TPTE: variants seen among roughly 807,000 people sequenced by gnomAD.
TPTE encodes putative tyrosine-protein phosphatase TPTE.
Under a neutral mutation model 84.1 loss-of-function variants are expected in TPTE, and 59 were observed. The ratio of observed to expected loss-of-function variants is 0.70; its 90% CI spans 0.57 to 0.87. The LOEUF (loss-of-function observed/expected upper bound fraction) is 0.87. Ranked by LOEUF, TPTE falls within the 40% of genes least tolerant of loss-of-function variation. The pLI, the probability that TPTE is intolerant of heterozygous loss-of-function variation, is 0.00. For synonymous variants in TPTE, 130 were observed against 223.5 expected, an observed-to-expected ratio of 0.58 and a Z score of 3.73; for missense variants, 382 against 659.6, an observed-to-expected ratio of 0.58 and a Z score of 4.61.
intron 3 of TPTE, among the ~76,000 whole-genome samples, chr21:10,531,856 G>A (rs364260): frequency 0.21 from 28,867 of 138,256 alleles, 316 homozygotes; most frequent in African/African-American, 0.48. Flanking sequence ...GGTGTTAGGT[G>A]GGGATTTGGT....
At chr21:10,557,332 CT>C (rs1051069178) in intron 8 of TPTE, among the ~76,000 whole-genome samples, 2 of 152,294 alleles carry the variant, frequency 1.3e-5, no homozygotes, top group African/African-American at 4.8e-5. Flanking sequence ...ACATAGTACT[CT>C]TTTTTTAAGC....
chr21:10,605,653 T>A lies in TPTE; in HGVS notation c.*101T>A. 1 of 1,552,330 alleles carries A rather than the reference T, an allele frequency of 6.4e-7. No homozygotes were observed. The highest frequency in any genetic ancestry group is 1.2e-5 in the South Asian group (1 of 81,542). On this transcript the variant is annotated 3_prime_UTR_variant, in exon 24 of 24. Coordinates refer to ENST00000618007, the MANE Select transcript of TPTE (RefSeq NM_199261.4). ...CTATCCTAAATGTTCCTTGAAGTAT[T>A]TATTTATGTTTATATATGTTTATAT... is the stretch of plus-strand genomic sequence containing the variant.
At position 10,530,050 on chromosome 21, in the gene TPTE, C is replaced by T. The variant is rs545175890; in HGVS notation, c.-44+2638C>T. The stretch of plus-strand genomic sequence containing the variant: ...TACATTATTTCAATGAATTACAATC[C>T]TTTCTGTCATTATTTATTTTGATCT... On this transcript the variant is annotated intron_variant, in intron 3 of 23. Transcript: ENST00000618007. Among the ~76,000 whole-genome samples, 5 of 152,410 alleles carry T rather than the reference C, an allele frequency of 3.3e-5. No homozygotes were observed. In the South Asian group the frequency reaches 6.2e-4, roughly 19 times the overall value.
intron 7 of TPTE, among the ~76,000 whole-genome samples, chr21:10,549,366 G>GA (rs1247950241): frequency 6.6e-6 from 1 of 152,304 alleles, no homozygotes; most frequent in Non-Finnish European, 1.5e-5. Flanking sequence ...TCCAGTAATA[G>GA]AACCTAATCA....
At chr21:10,535,419 A>T (rs1391424668) in intron 3 of TPTE, among the ~76,000 whole-genome samples, 2 of 152,308 alleles carry the variant, frequency 1.3e-5, no homozygotes, top group Non-Finnish European at 2.9e-5. Flanking sequence ...ACTGTCAGGC[A>T]TATCCTTGGA....
rs1488553221 is a variant in TPTE, at chr21:10,595,964, A to G, written c.1171-18A>G. On this transcript the variant is annotated intron_variant, in intron 19 of 23. Coordinates refer to ENST00000618007, the MANE Select transcript of TPTE (RefSeq NM_199261.4). Reference sequence around the variant, plus strand: ...ACTTTTCATCTCCACTTAAAGGAAGATTTCTGTTGCTTTTCAGAAGAGATA... The same window carrying G: ...ACTTTTCATCTCCACTTAAAGGAAGGTTTCTGTTGCTTTTCAGAAGAGATA... 3.1e-6 allele frequency: 5 copies of G among 1,613,588 alleles called. No individual in the cohort carries two copies. The Admixed American group carries it at 6.7e-5, about 22-fold the overall frequency.
At chr21:10,561,468 G>T (rs2074802513) in intron 10 of TPTE, among the ~76,000 whole-genome samples, 1 of 152,198 alleles carries the variant, frequency 6.6e-6, no homozygotes, top group Non-Finnish European at 1.5e-5. Context: ...CTCTAGCCTG[G>T]GTGACAGGGT....
intron 3 of TPTE, among the ~76,000 whole-genome samples, chr21:10,530,142 C>T (rs1268677944): frequency 2.6e-5 from 4 of 152,306 alleles, no homozygotes; most frequent in Admixed American, 2.6e-4. Context: ...TTTGACTTGA[C>T]ATGTTCCCAT....
chr21:10,546,974 A>G (rs1314747378), intron 7 of TPTE, among the ~76,000 whole-genome samples: 245 of 152,338 alleles, frequency 1.6e-3, no homozygotes, highest in Non-Finnish European at 2.7e-3. Flanking sequence ...CACATTTTCA[A>G]TGTAGACAAG....
At chr21:10,570,442 A>C (rs1452123455) in intron 13 of TPTE, 43 bp from the exon 14 acceptor site, 1 of 1,613,438 alleles carries the variant, frequency 6.2e-7, no homozygotes, top group Admixed American at 1.7e-5. Context: ...TGTTGTATGA[A>C]ATCTATAATA....
chr21:10,529,737 A>G (rs910665994), intron 3 of TPTE, among the ~76,000 whole-genome samples: 7 of 152,310 alleles, frequency 4.6e-5, no homozygotes, highest in African/African-American at 1.2e-4. Flanking sequence ...TTCGCTGACA[A>G]GTAAATATTA....
chr21:10,541,662 AACTG>A (rs1305216282), intron 5 of TPTE, among the ~76,000 whole-genome samples: 3 of 152,308 alleles, frequency 2.0e-5, no homozygotes, highest in African/African-American at 2.4e-5. Flanking sequence ...GAAAAAAAGA[AACTG>A]ACTAGAGAGA....
At chr21:10,589,328 G>A (rs1168617902) in intron 17 of TPTE, among the ~76,000 whole-genome samples, 1 of 152,300 alleles carries the variant, frequency 6.6e-6, no homozygotes, top group Non-Finnish European at 1.5e-5. Context: ...TGACCTATGA[G>A]CCAGTAGATG....
chr21:10,541,146 G>A lies in TPTE; in HGVS notation c.46G>A (p.Glu16Lys). Residue 16 changes from glutamate (E) to lysine (K), a missense_variant, in exon 5 of 24, where the codon GAG becomes AAG. Transcript: ENST00000618007. ...GACTGACCTGGCGGGAGTCATCATT[G>A]AGCTCGGCCCCAATGACAGGTGAGT... ...DPTDLAGVII[E>K]LGPNDSPQTS... 1 of 1,613,324 alleles carries A rather than the reference G, an allele frequency of 6.2e-7. No homozygotes were observed. Among genetic ancestry groups the A allele is most frequent in the Non-Finnish European group, 8.5e-7 (1 of 1,179,324 alleles).
chr21:10,550,473 T>C (rs2074552106), intron 7 of TPTE, among the ~76,000 whole-genome samples: 1 of 152,304 alleles, frequency 6.6e-6, no homozygotes, highest in Admixed American at 6.5e-5. Flanking sequence ...TTAAAAACCA[T>C]AAAAATTGAC....
intron 3 of TPTE, among the ~76,000 whole-genome samples, chr21:10,530,533 T>C (rs1310211019): frequency 1.3e-5 from 2 of 152,306 alleles, no homozygotes; most frequent in African/African-American, 4.8e-5. Context: ...TGCTTTTAAC[T>C]GGTATGAAAA....
intron 17 of TPTE, among the ~76,000 whole-genome samples, chr21:10,587,038 C>G (rs1373615383): frequency 6.6e-6 from 1 of 152,296 alleles, no homozygotes; most frequent in Non-Finnish European, 1.5e-5. Context: ...CAGGTGCAGG[C>G]TGAATTTTAG....
In TPTE at chr21:10,542,503, C is replaced by A. The variant is rs1177601968; in HGVS notation, c.119+55C>A. The A allele has an allele frequency of 3.8e-6, 6 of 1,593,134 alleles. No individual in the cohort carries two copies. In the African/African-American group the frequency reaches 5.4e-5, roughly 14 times the overall value. ...CAGCATAAGTGTGCATAGAACTATA[C>A]ACACACAGGCACATGAGCAAGTATA... On this transcript the variant is annotated intron_variant, in intron 6 of 23. Coordinates refer to ENST00000618007, the MANE Select transcript of TPTE (RefSeq NM_199261.4).
intron 20 of TPTE, among the ~76,000 whole-genome samples, chr21:10,596,828 AG>A (rs1216778276): frequency 3.7e-4 from 57 of 152,248 alleles, no homozygotes; most frequent in Admixed American, 3.7e-3. Flanking sequence ...TAGCCTTCTG[AG>A]TTTAGTTCTA....
Sources: gnomAD v4.1 joint callset for allele counts (sites outside exome capture counted in the v4.1 genomes callset) on GRCh38, gnomAD v4.1.1 for gene constraint, MANE v1.5 for transcripts, NCBI Gene and HGNC (gene_info 2026-07-23, HGNC 2026-07-21) for gene names.